CFAP61: variants seen among roughly 807,000 people sequenced by gnomAD.
CFAP61 encodes the protein cilia- and flagella-associated protein 61.
A neutral mutation model predicts 135.6 loss-of-function variants in CFAP61; 107 were observed. The ratio of observed to expected loss-of-function variants is 0.79; its 90% CI spans 0.67 to 0.93. The LOEUF (loss-of-function observed/expected upper bound fraction) is 0.93. CFAP61 is among the 40% of genes least tolerant of loss of function. The probability of loss-of-function intolerance (pLI) is 0.00; values close to 1 mark genes in which losing one functional copy is unlikely to be tolerated. For synonymous variants in CFAP61, 575 were observed against 578.5 expected, an observed-to-expected ratio of 0.99 and a Z score of 0.09; for missense variants, 1,507 against 1,556.2, an observed-to-expected ratio of 0.97 and a Z score of 0.53.
chr20:20,069,953 C>G (rs2045588639), intron 2 of CFAP61: 1 of 266,062 alleles, frequency 3.8e-6, no homozygotes. Context: ...ATTTCTTCCT[C>G]CAACTTAAGA....
intron 18 of CFAP61, among the ~76,000 whole-genome samples, chr20:20,236,464 C>G (rs1329687363): frequency 6.6e-6 from 1 of 152,144 alleles, no homozygotes; most frequent in East Asian, 1.9e-4. Context: ...ACCACATTTT[C>G]TAATTCTTAG....
At chr20:20,083,895 C>T (rs886183970) in intron 6 of CFAP61, among the ~76,000 whole-genome samples, 1 of 152,136 alleles carries the variant, frequency 6.6e-6, no homozygotes, top group Non-Finnish European at 1.5e-5. Flanking sequence ...TGACATTTTC[C>T]AAGGACTAGA....
intron 25 of CFAP61, among the ~76,000 whole-genome samples, chr20:20,304,647 C>A (rs1216243188): frequency 6.6e-6 from 1 of 151,950 alleles, no homozygotes; most frequent in African/African-American, 2.4e-5. Flanking sequence ...TGCCAACTCC[C>A]TTGGCAGTAT....
At chr20:20,353,028 C>A (rs2058901186) in intron 26 of CFAP61, among the ~76,000 whole-genome samples, 1 of 152,172 alleles carries the variant, frequency 6.6e-6, no homozygotes, top group Non-Finnish European at 1.5e-5. Context: ...CAGGAAACAA[C>A]TCACTAACAG....
At chr20:20,128,467 G>A (rs1223992505) in intron 8 of CFAP61, among the ~76,000 whole-genome samples, 1 of 151,824 alleles carries the variant, frequency 6.6e-6, no homozygotes, top group Middle Eastern at 3.4e-3. Context: ...TCTGCAGTGG[G>A]GGTATGTATT....
chr20:20,253,362 G>T, intron 20 of CFAP61: 1 of 204,074 alleles, frequency 4.9e-6, no homozygotes, highest in East Asian at 1.6e-4. Context: ...TTTTTCTTCT[G>T]CGCAGCCTCT....
chr20:20,281,880 A>G (rs149681295), intron 22 of CFAP61, among the ~76,000 whole-genome samples: 3 of 152,326 alleles, frequency 2.0e-5, no homozygotes, highest in African/African-American at 4.8e-5. Flanking sequence ...CAGTGAAACA[A>G]TCTGGGCATG....
intron 24 of CFAP61, among the ~76,000 whole-genome samples, chr20:20,296,414 CTTTT>C (rs1261968308): frequency 3.1e-4 from 38 of 121,860 alleles, no homozygotes; most frequent in East Asian, 8.4e-4. Context: ...TTCTTTCTTT[CTTTT>C]CTTTCTTCCT....
chr20:20,161,409 A>G (rs1360513019), intron 10 of CFAP61, among the ~76,000 whole-genome samples: 4 of 152,218 alleles, frequency 2.6e-5, no homozygotes, highest in African/African-American at 9.6e-5. Context: ...AAAGGGCACA[A>G]ATCCACAAAG....
intron 20 of CFAP61, chr20:20,253,914 C>G (rs1009540160): frequency 1.2e-5 from 2 of 160,886 alleles, no homozygotes; most frequent in East Asian, 3.8e-4. Context: ...AATGAACAAC[C>G]CTTTCAGTAG....
chr20:20,130,927 A>G (rs2050473927), intron 8 of CFAP61, among the ~76,000 whole-genome samples: 2 of 151,818 alleles, frequency 1.3e-5, no homozygotes, highest in Admixed American at 1.3e-4. Context: ...AGTATACCTG[A>G]TGCCTTCCAT....
intron 19 of CFAP61, among the ~76,000 whole-genome samples, chr20:20,246,796 C>T (rs1051681032): frequency 2.0e-5 from 3 of 152,200 alleles, no homozygotes; most frequent in Non-Finnish European, 4.4e-5. Context: ...TAGAAACAAG[C>T]TCCTAATTTT....
intron 14 of CFAP61, among the ~76,000 whole-genome samples, chr20:20,190,580 T>C (rs2055849620): frequency 2.6e-5 from 4 of 152,152 alleles, no homozygotes; most frequent in Admixed American, 2.0e-4. Flanking sequence ...TGAAACTTCA[T>C]ACACCACACA....
chr20:20,087,867 T>G (rs1372475795), intron 6 of CFAP61, among the ~76,000 whole-genome samples: 2 of 124,058 alleles, frequency 1.6e-5, no homozygotes, highest in African/African-American at 1.1e-4. Context: ...TGCTGTATCA[T>G]TTTTTTTTTT....
intron 8 of CFAP61, among the ~76,000 whole-genome samples, chr20:20,131,480 G>A (rs2050522980): frequency 6.6e-6 from 1 of 151,560 alleles, no homozygotes; most frequent in East Asian, 1.9e-4. Context: ...TAGTAATGTT[G>A]CCTTTTTCAG....
intron 3 of CFAP61, among the ~76,000 whole-genome samples, chr20:20,071,394 G>C (rs2045698373): frequency 6.6e-6 from 1 of 152,198 alleles, no homozygotes; most frequent in Non-Finnish European, 1.5e-5. Flanking sequence ...CAGAGCCTCA[G>C]ACTTCTGTCA....
intron 12 of CFAP61, among the ~76,000 whole-genome samples, chr20:20,167,987 T>C (rs371939314): frequency 2.4e-4 from 36 of 152,246 alleles, no homozygotes; most frequent in Admixed American, 8.5e-4. Flanking sequence ...GTGAGCCACA[T>C]TGGTAATTCT....
At chr20:20,324,034 C>G (rs1392137322) in intron 25 of CFAP61, among the ~76,000 whole-genome samples, 4 of 152,014 alleles carry the variant, frequency 2.6e-5, no homozygotes, top group Non-Finnish European at 2.9e-5. Flanking sequence ...CATAATTAAC[C>G]CTGCAATAAA....
At chr20:20,072,052 C>CTTACAGGA (rs1323251725) in intron 3 of CFAP61, among the ~76,000 whole-genome samples, 1 of 118,318 alleles carries the variant, frequency 8.5e-6, no homozygotes, top group East Asian at 2.2e-4. Context: ...GGTTTATTGT[C>CTTACAGGA]TTACAGGATG....
Sources: gnomAD v4.1 joint callset for allele counts (sites outside exome capture counted in the v4.1 genomes callset) on GRCh38, gnomAD v4.1.1 for gene constraint, MANE v1.5 for transcripts, NCBI Gene and HGNC (gene_info 2026-07-23, HGNC 2026-07-21) for gene names.